Variants in TSHZ3 observed in about 807,000 individuals in gnomAD.
TSHZ3 encodes teashirt zinc finger homeobox 3.
TSHZ3 carries 10 observed loss-of-function variants against 64.5 expected under a neutral mutation model. The observed-to-expected ratio is 0.16, with a 90% confidence interval of 0.10 to 0.26. The LOEUF (loss-of-function observed/expected upper bound fraction) is 0.26. Among genes scored for constraint, TSHZ3 ranks in the 10% least tolerant of loss-of-function variants. The pLI, the probability that TSHZ3 is intolerant of heterozygous loss-of-function variation, is 1.00. For missense variants in TSHZ3, 1,242 were observed against 1,421.7 expected (o/e 0.87, Z 2.03); for synonymous variants, 608 against 593.1 (o/e 1.03, Z -0.36).
At position 31,277,308 on chromosome 19, in the gene TSHZ3, C is replaced by A. The variant is rs777593397; in HGVS notation, c.2485G>T (p.Ala829Ser). The change falls in exon 2 of 2, where the codon GCC becomes TCC. Residue 829 changes from alanine (A) to serine (S), a missense_variant. This residue lies in a region of TSHZ3 where 550 missense variants were observed against 545.1 expected (regional missense o/e 1.01). Coordinates refer to ENST00000240587, the MANE Select transcript of TSHZ3 (RefSeq NM_020856.4). This position sits in a 1 kb window ranked among gnomAD's most constrained non-coding sequence, Gnocchi z 4.5. The part of the protein sequence containing the change: ...SSTVTTAKTS[A>S]VVSFMSNSPL... ...GAGTTTGACATGAATGATACGACGG[C>A]AGATGTCTTTGCCGTTGTCACCGTG... The A allele has an allele frequency of 1.2e-6, 2 of 1,613,434 alleles. No homozygotes were observed. The highest frequency in any genetic ancestry group is 4.5e-5 in the East Asian group (2 of 44,858).
chr19:31,173,294 C>T (rs940997433), intron 5 of TSHZ3, among the ~76,000 whole-genome samples: 2 of 152,154 alleles, frequency 1.3e-5, no homozygotes, highest in African/African-American at 4.8e-5. Context: ...GACAAGATGA[C>T]TTCCAGATTG....
At chr19:31,221,597 A>G (rs1975395274) in intron 4 of TSHZ3, among the ~76,000 whole-genome samples, 4 of 151,492 alleles carry the variant, frequency 2.6e-5, no homozygotes, top group Admixed American at 2.0e-4. Flanking sequence ...CTCTCCTCCA[A>G]CCTCCCTTGG....
At chr19:31,216,445 A>G (rs953728061) in intron 4 of TSHZ3, among the ~76,000 whole-genome samples, 1 of 149,436 alleles carries the variant, frequency 6.7e-6, no homozygotes, top group African/African-American at 2.5e-5. Context: ...AGGCTTTCCC[A>G]GGAGGCAGCT....
In TSHZ3 at chr19:31,306,308, C is replaced by G. The variant is rs180862568; in HGVS notation, c.41-26556G>C. Among the ~76,000 whole-genome samples the G allele has an allele frequency of 4.1e-3, 624 of 152,326 alleles. 6 individuals are homozygous for G. The highest frequency in any genetic ancestry group is 6.6e-3 in the Non-Finnish European group (451 of 68,034). On this transcript the variant is annotated intron_variant, in intron 1 of 1. Coordinates refer to ENST00000240587, the MANE Select transcript of TSHZ3 (RefSeq NM_020856.4). ...GTGTGACAAATTGGATGGGACTTCACTACCAAATTTCCTGCCAAGAGGCCT... is the reference window on the plus strand; with the variant it reads ...GTGTGACAAATTGGATGGGACTTCAGTACCAAATTTCCTGCCAAGAGGCCT...
intron 5 of TSHZ3, among the ~76,000 whole-genome samples, chr19:31,189,052 A>G (rs1387495947): frequency 6.6e-6 from 1 of 151,914 alleles, no homozygotes; most frequent in Non-Finnish European, 1.5e-5. Flanking sequence ...TAAATATTAG[A>G]TATAAAGTTG....
chr19:31,252,863 A>G (rs941182807), intron 1 of TSHZ3, among the ~76,000 whole-genome samples: 3 of 152,214 alleles, frequency 2.0e-5, no homozygotes, highest in African/African-American at 7.2e-5. Context: ...GGATGTGGGC[A>G]TATCTTTTTG....
At chr19:31,286,058 C>G (rs2145123746) in intron 1 of TSHZ3, among the ~76,000 whole-genome samples, 1 of 152,280 alleles carries the variant, frequency 6.6e-6, no homozygotes, top group South Asian at 2.1e-4. Flanking sequence ...TTCCCCAAGT[C>G]CCTCCATTGA....
intron 1 of TSHZ3, among the ~76,000 whole-genome samples, chr19:31,266,939 C>T (rs1310842574): frequency 6.6e-6 from 1 of 152,208 alleles, no homozygotes; most frequent in East Asian, 1.9e-4. Context: ...CCATCCTTCA[C>T]AGTACACCTC....
intron 1 of TSHZ3, among the ~76,000 whole-genome samples, chr19:31,249,972 C>A (rs1008171248): frequency 4.6e-5 from 7 of 152,218 alleles, no homozygotes; most frequent in African/African-American, 1.7e-4. Context: ...TCCCTGGAGC[C>A]TCGGTTCTCC....
At chr19:31,160,667 C>T (rs915301762) in intron 5 of TSHZ3, among the ~76,000 whole-genome samples, 3 of 152,058 alleles carry the variant, frequency 2.0e-5, no homozygotes, top group African/African-American at 7.2e-5. Context: ...CACACAGGCA[C>T]ACATACATAC....
chr19:31,234,919 G>C (rs1416615335), intron 3 of TSHZ3, among the ~76,000 whole-genome samples: 1 of 152,172 alleles, frequency 6.6e-6, no homozygotes, highest in Non-Finnish European at 1.5e-5. Context: ...GAAAAAGTCT[G>C]TGTAATATTG....
rs562427866 is a variant in TSHZ3 at position 31,301,892 on chromosome 19, A to G, written c.41-22140T>C. Among the ~76,000 whole-genome samples, 4 of 152,232 alleles carry G rather than the reference A, an allele frequency of 2.6e-5. No individual in the cohort carries two copies. The South Asian group carries it at 8.3e-4, about 32-fold the overall frequency. On this transcript the variant is annotated intron_variant, in intron 1 of 1. Transcript: ENST00000240587. Reference sequence around the variant, plus strand: ...CCCCATGAGGTCCACAGGTGGAGACACTGTGTCCCAGATACACGTCTGATG... The same window carrying G: ...CCCCATGAGGTCCACAGGTGGAGACGCTGTGTCCCAGATACACGTCTGATG...
chr19:31,215,908 A>T (rs1008004959), intron 4 of TSHZ3, among the ~76,000 whole-genome samples: 1 of 151,822 alleles, frequency 6.6e-6, no homozygotes, highest in African/African-American at 2.4e-5. Context: ...TATATATAGG[A>T]TCTATAGTAG....
At chr19:31,343,623 C>CT (rs889893056) in intron 1 of TSHZ3, among the ~76,000 whole-genome samples, 42 of 146,682 alleles carry the variant, frequency 2.9e-4, no homozygotes, top group East Asian at 5.9e-4. Flanking sequence ...CTATTACTGT[C>CT]TTTTTTTTTT....
chr19:31,208,662 T>A (rs1975219842), intron 4 of TSHZ3, among the ~76,000 whole-genome samples: 1 of 152,188 alleles, frequency 6.6e-6, no homozygotes, highest in South Asian at 2.1e-4. Flanking sequence ...CCCTGGCACA[T>A]AGCATGGAAC....
In TSHZ3 at chr19:31,222,812, T is replaced by C. The variant is rs1366925109; in HGVS notation, n.686+5193A>G. On this transcript the variant is annotated intron_variant and non_coding_transcript_variant, in intron 4 of 6. Transcript: ENST00000651361. ...CGTCTCTTGTCCTTCTCCATTTCTA[T>C]TTTGCCATATAAACATGACAGAGAG... Among the ~76,000 whole-genome samples the C allele has an allele frequency of 6.2e-4, 94 of 152,332 alleles. 2 individuals are homozygous for C. The East Asian group carries it at 0.017, about 28-fold the overall frequency.
chr19:31,170,508 A>C (rs2145114414), intron 5 of TSHZ3, among the ~76,000 whole-genome samples: 1 of 152,246 alleles, frequency 6.6e-6, no homozygotes, highest in Admixed American at 6.5e-5. Flanking sequence ...ACCTTCACCA[A>C]ACCATTCTTC....
chr19:31,291,424 G>A (rs908984367), intron 1 of TSHZ3, among the ~76,000 whole-genome samples: 4 of 152,158 alleles, frequency 2.6e-5, no homozygotes, highest in African/African-American at 9.7e-5. Flanking sequence ...CTTCATGAGG[G>A]GGATGGCTCA....
intron 1 of TSHZ3, among the ~76,000 whole-genome samples, chr19:31,315,199 C>A (rs1205935061): frequency 1.3e-5 from 2 of 152,242 alleles, no homozygotes; most frequent in Non-Finnish European, 2.9e-5. Flanking sequence ...ACCAATCCAA[C>A]TTTCCTTTCA....
Sources: gnomAD v4.1 joint callset for allele counts (sites outside exome capture counted in the v4.1 genomes callset) on GRCh38, gnomAD v4.1.1 for gene constraint, gnomAD v4.1.1 regional missense constraint, Gnocchi (gnomAD v3.1) non-coding constraint, MANE v1.5 for transcripts, NCBI Gene and HGNC (gene_info 2026-07-23, HGNC 2026-07-21) for gene names.